The following DENND1A variants were observed in gnomAD, a reference collection of about 807,000 sequenced individuals.
DENND1A encodes the protein DENN domain-containing protein 1A.
Under a neutral mutation model 113.7 loss-of-function variants are expected in DENND1A, and 51 were observed. The ratio of observed to expected loss-of-function variants is 0.45; its 90% CI spans 0.36 to 0.57. The LOEUF (loss-of-function observed/expected upper bound fraction) is 0.57. Ranked by LOEUF, DENND1A falls within the 20% of genes least tolerant of loss-of-function variation. DENND1A has a pLI of 0.00. For missense variants in DENND1A, 1,258 were observed against 1,395.9 expected (o/e 0.90, Z 1.57); for synonymous variants, 565 against 570.8 (o/e 0.99, Z 0.14).
chr9:123,443,149 G>A (rs1448807069), intron 18 of DENND1A, among the ~76,000 whole-genome samples: 1 of 152,134 alleles, frequency 6.6e-6, no homozygotes, highest in African/African-American at 2.4e-5. Context: ...ATAGTTAGAA[G>A]GTGGAATAAC....
At chr9:123,575,713 G>A (rs1175603709) in intron 12 of DENND1A, among the ~76,000 whole-genome samples, 1 of 152,180 alleles carries the variant, frequency 6.6e-6, no homozygotes, top group African/African-American at 2.4e-5. Context: ...GGGCGATTAA[G>A]CCCCTTCTGG....
intron 3 of DENND1A, among the ~76,000 whole-genome samples, chr9:123,779,872 C>CTTTTTTT (rs72419269): frequency 2.8e-5 from 4 of 143,878 alleles, no homozygotes; most frequent in Non-Finnish European, 4.5e-5. Context: ...TTGCATGAGA[C>CTTTTTTT]TTTTTTTTGA....
At chr9:123,620,238 AG>A (rs375889202) in intron 10 of DENND1A, among the ~76,000 whole-genome samples, 63 of 141,794 alleles carry the variant, frequency 4.4e-4, no homozygotes, top group African/African-American at 1.7e-3. Flanking sequence ...AAAAAAAAAA[AG>A]AAAAGAAAAA....
chr9:123,732,107 C>T (rs2130886300), intron 5 of DENND1A, among the ~76,000 whole-genome samples: 1 of 152,332 alleles, frequency 6.6e-6, no homozygotes, highest in Non-Finnish European at 1.5e-5. Flanking sequence ...CAAAATGATA[C>T]AACAACCACT....
At chr9:123,560,825 G>C (rs1317584507) in intron 12 of DENND1A, among the ~76,000 whole-genome samples, 3 of 152,052 alleles carry the variant, frequency 2.0e-5, no homozygotes, top group Admixed American at 6.6e-5. Flanking sequence ...CAACATCCGG[G>C]TATCTATAAC....
At chr9:123,627,398 A>G (rs2061274509) in intron 10 of DENND1A, among the ~76,000 whole-genome samples, 1 of 152,196 alleles carries the variant, frequency 6.6e-6, no homozygotes, top group Admixed American at 6.5e-5. Flanking sequence ...CCCAGCACTT[A>G]GTGCAGTGCC....
At chr9:123,575,478 T>C (rs1311031591) in intron 12 of DENND1A, among the ~76,000 whole-genome samples, 1 of 152,212 alleles carries the variant, frequency 6.6e-6, no homozygotes, top group Non-Finnish European at 1.5e-5. Context: ...AGTCTCTGCA[T>C]GATTAGAGTG....
At chr9:123,688,721 C>T (rs1334314158) in intron 5 of DENND1A, among the ~76,000 whole-genome samples, 4 of 152,254 alleles carry the variant, frequency 2.6e-5, no homozygotes, top group African/African-American at 4.8e-5. Flanking sequence ...TGGGAATCCA[C>T]GACAAGGCAC....
intron 2 of DENND1A, among the ~76,000 whole-genome samples, chr9:123,861,501 C>T (rs1454195088): frequency 6.6e-6 from 1 of 152,136 alleles, no homozygotes; most frequent in Non-Finnish European, 1.5e-5. Flanking sequence ...GGATTAGTCC[C>T]TTTTCACGCT....
At chr9:123,592,060 C>G (rs2059484405) in intron 11 of DENND1A, among the ~76,000 whole-genome samples, 1 of 152,152 alleles carries the variant, frequency 6.6e-6, no homozygotes. Context: ...AGGGATAATA[C>G]TGCACAGCTG....
At chr9:123,438,509 G>T (rs2046688063) in intron 19 of DENND1A, among the ~76,000 whole-genome samples, 1 of 152,172 alleles carries the variant, frequency 6.6e-6, no homozygotes. Context: ...GCGGCTGTGG[G>T]TAGGCTCTGC....
At chr9:123,666,742 A>G (rs777043934) in intron 8 of DENND1A, among the ~76,000 whole-genome samples, 23 of 152,336 alleles carry the variant, frequency 1.5e-4, no homozygotes, top group Non-Finnish European at 2.8e-4. Flanking sequence ...AATACATTCT[A>G]AAAAGAGGGA....
At position 123,381,680 on chromosome 9, in the gene DENND1A, G is replaced by A. The variant is rs376419805; in HGVS notation, c.2965C>T (p.Arg989Cys). 1.9e-4 allele frequency: 306 copies of A among 1,584,228 alleles called. No individual in the cohort carries two copies. The highest frequency in any genetic ancestry group is 2.3e-4 in the Non-Finnish European group (267 of 1,165,246). ...PSRIRTLPLA[R>C]SSARAAETKQ... is the part of the protein sequence containing the mutation. ...GTCTCAGCAGCCCTGGCACTTGAGC[G>A]GGCCAGGGGCAACGTTCGGATCCTC... Residue 989 changes from arginine (R) to cysteine (C), a missense_variant, in exon 24 of 24, where the codon CGC becomes TGC. Coordinates refer to ENST00000394215, the MANE Select transcript of DENND1A (RefSeq NM_001352964.2). This position sits in a 1 kb window ranked among gnomAD's most constrained non-coding sequence, Gnocchi z 4.7.
intron 13 of DENND1A, among the ~76,000 whole-genome samples, chr9:123,524,060 T>C (rs2054610268): frequency 1.3e-5 from 2 of 152,182 alleles, no homozygotes; most frequent in African/African-American, 2.4e-5. Flanking sequence ...TCTGCTGGCA[T>C]GTCAGGGATG....
At chr9:123,812,508 T>C (rs1836790335) in intron 2 of DENND1A, among the ~76,000 whole-genome samples, 1 of 152,058 alleles carries the variant, frequency 6.6e-6, no homozygotes, top group Non-Finnish European at 1.5e-5. Flanking sequence ...CAATATACAG[T>C]GAGTGGAATG....
intron 9 of DENND1A, among the ~76,000 whole-genome samples, chr9:123,641,772 A>G (rs2062040946): frequency 1.3e-5 from 2 of 152,266 alleles, no homozygotes; most frequent in Non-Finnish European, 2.9e-5. Flanking sequence ...AGAACTGTCT[A>G]TTCACTGGTT....
At chr9:123,887,874 G>C (rs567563512) in intron 1 of DENND1A, among the ~76,000 whole-genome samples, 1 of 152,312 alleles carries the variant, frequency 6.6e-6, no homozygotes, top group South Asian at 2.1e-4. Flanking sequence ...AAACCAACAT[G>C]ACTTATACAA....
intron 2 of DENND1A, among the ~76,000 whole-genome samples, chr9:123,841,869 T>C (rs999599653): frequency 2.0e-5 from 3 of 152,202 alleles, no homozygotes; most frequent in African/African-American, 7.2e-5. Context: ...AGTAGGTTTT[T>C]AGTTTGCATA....
chr9:123,454,323 A>G (rs914109576), intron 16 of DENND1A, among the ~76,000 whole-genome samples: 7 of 152,188 alleles, frequency 4.6e-5, no homozygotes, highest in Non-Finnish European at 1.0e-4. Flanking sequence ...GACACCTCAC[A>G]ACAACAGTCA....
Sources: allele counts gnomAD v4.1 joint callset (sites outside exome capture counted in the v4.1 genomes callset), GRCh38; gene constraint gnomAD v4.1.1; non-coding constraint Gnocchi (gnomAD v3.1); transcripts MANE v1.5; gene names NCBI Gene and HGNC (gene_info 2026-07-23, HGNC 2026-07-21).